The following SEMA4B variants were observed in gnomAD, a reference collection of about 807,000 sequenced individuals.
SEMA4B encodes semaphorin 4B, also known as semaphorin-4B.
In SEMA4B, 55 loss-of-function variants were observed where a neutral mutation model predicts 88.1. The ratio of observed to expected loss-of-function variants is 0.62; its 90% CI spans 0.50 to 0.78. The LOEUF (loss-of-function observed/expected upper bound fraction) is 0.78. Among genes scored for constraint, SEMA4B ranks in the 30% least tolerant of loss-of-function variants. SEMA4B has a pLI of 0.00. For synonymous variants in SEMA4B, 525 were observed against 473.6 expected, an observed-to-expected ratio of 1.11 and a Z score of -1.41; for missense variants, 1,062 against 1,111.9, an observed-to-expected ratio of 0.96 and a Z score of 0.64.
rs1596160546 is a variant in SEMA4B, at chr15:90,225,758, A to C, written c.1619A>C (p.Asp540Ala). The C allele has an allele frequency of 6.3e-7, 1 of 1,576,762 alleles. No homozygotes were observed. The highest frequency in any genetic ancestry group is 8.6e-7 in the Non-Finnish European group (1 of 1,163,052). The change falls in exon 12 of 14, where the codon GAC becomes GCC. Residue 540 changes from aspartate (D) to alanine (A), a missense_variant. Asp to Ala is a moderately radical substitution (Grantham distance 126). Transcript: ENST00000411539. The stretch of plus-strand genomic sequence containing the variant: ...TGTGGGGACTGCCTCCTCGCCCGGG[A>C]CCCCTACTGTGCTTGGAGCGGCTCC... ...RSCGDCLLAR[D>A]PYCAWSGSSC...
At chr15:90,199,683 G>C (rs1413717145), upstream of SEMA4B, among the ~76,000 whole-genome samples, 2 of 152,038 alleles carry the variant, frequency 1.3e-5, no homozygotes, top group African/African-American at 4.8e-5. Flanking sequence ...AAAATTAGCG[G>C]GGTGTGGTGG....
At chr15:90,219,714 G>A in intron 3 of SEMA4B, 79 bp from the exon 4 acceptor site, 1 of 1,098,320 alleles carries the variant, frequency 9.1e-7, no homozygotes, top group South Asian at 1.4e-5. Flanking sequence ...GGGCCTGGGT[G>A]TGGAAGGGGG....
chr15:90,201,281 G>A (rs1960701728), upstream of SEMA4B: 18 of 1,102,478 alleles, frequency 1.6e-5, 1 homozygote, highest in Non-Finnish European at 1.9e-5. Flanking sequence ...GAAGGGGGCG[G>A]GCCGGCCGGG....
At chr15:90,185,307 A>C (rs1960132224) in intron 1 of SEMA4B, among the ~76,000 whole-genome samples, 1 of 152,126 alleles carries the variant, frequency 6.6e-6, no homozygotes, top group Non-Finnish European at 1.5e-5. Context: ...TCCCATGGCC[A>C]CCGGGGGCCT....
At chr15:90,206,808 A>T (rs112168526) in intron 1 of SEMA4B, 10 of 736,962 alleles carry the variant, frequency 1.4e-5, no homozygotes, top group African/African-American at 5.2e-5. Context: ...ATTAAGGTTG[A>T]TGACAAAAGA....
intron 1 of SEMA4B, among the ~76,000 whole-genome samples, chr15:90,211,209 C>T (rs1469520532): frequency 2.0e-5 from 3 of 152,152 alleles, no homozygotes; most frequent in African/African-American, 7.2e-5. Context: ...CAGGCAGGCT[C>T]CTAAGGTGAC....
chr15:90,201,881 G>T lies in SEMA4B; in HGVS notation c.157+146G>T, dbSNP rs2151593683. ...TTAGGACCCCTTCTTTTTTCAAGGC[G>T]CTGCGCGGAGGGAGGGAGAGGAGAG... On this transcript the variant is annotated intron_variant, in intron 1 of 13. Coordinates refer to ENST00000411539, the MANE Select transcript of SEMA4B (RefSeq NM_198925.4). 6.4e-6 allele frequency: 5 copies of T among 783,712 alleles called. No homozygotes were observed. The South Asian group carries it at 9.6e-5, about 15-fold the overall frequency. The allele number at this position is 783,712 out of a possible 1,614,324, so 48.5% of individuals were successfully genotyped here.
At position 90,225,762 on chromosome 15, in the gene SEMA4B, C is replaced by G; in HGVS notation, c.1623C>G (p.Pro541=). The change falls in exon 12 of 14, where the codon CCC becomes CCG. Residue 541 remains proline (P), a synonymous_variant. Transcript: ENST00000411539. ...SCGDCLLARD[P]YCAWSGSSCK... ...GGGACTGCCTCCTCGCCCGGGACCC[C>G]TACTGTGCTTGGAGCGGCTCCAGCT... 2 of 1,576,858 alleles carry G rather than the reference C, an allele frequency of 1.3e-6. No individual in the cohort carries two copies. The highest frequency in any genetic ancestry group is 1.7e-6 in the Non-Finnish European group (2 of 1,162,758).
chr15:90,190,817 C>G (rs2151583297), intron 1 of SEMA4B, among the ~76,000 whole-genome samples: 1 of 152,166 alleles, frequency 6.6e-6, no homozygotes, highest in South Asian at 2.1e-4. Context: ...GTGTCTTGCT[C>G]TGTCACCCAA....
At chr15:90,203,445 G>A (rs1455560992) in intron 1 of SEMA4B, among the ~76,000 whole-genome samples, 1 of 152,200 alleles carries the variant, frequency 6.6e-6, no homozygotes, top group Non-Finnish European at 1.5e-5. Context: ...GCCAGCTCAT[G>A]GGACCATGTC....
chr15:90,191,894 C>T (rs1960354458), intron 1 of SEMA4B: 1 of 152,280 alleles, frequency 6.6e-6, no homozygotes, highest in Non-Finnish European at 1.5e-5. Context: ...TGAAAGAATA[C>T]ACAGGGTGTG....
Position 90,201,404 on chromosome 15 carries a change from G to C in SEMA4B, c.-175G>C, listed in dbSNP as rs1567045622. The stretch of plus-strand genomic sequence containing the variant: ...GGGAGGACTGCGGTGCCCCGCGGAG[G>C]GGCTGAGTTTGCCAGGGCCCACTTG... On this transcript the variant is annotated 5_prime_UTR_variant, in exon 1 of 14. Transcript: ENST00000411539. The C allele has an allele frequency of 1.6e-6, 2 of 1,282,032 alleles. No individual in the cohort carries two copies. Among genetic ancestry groups the C allele is most frequent in the Admixed American group, 8.6e-5 (2 of 23,388 alleles). 79.4% of individuals were successfully genotyped at this position (1,282,032 alleles called of 1,614,324 possible). A position where few individuals can be genotyped will look rare whatever the true frequency, so the allele number is the denominator to read the frequency against.
chr15:90,226,234 C>T (rs1962166193), intron 12 of SEMA4B, among the ~76,000 whole-genome samples: 1 of 152,080 alleles, frequency 6.6e-6, no homozygotes, highest in Non-Finnish European at 1.5e-5. Flanking sequence ...GCAAAACTAC[C>T]CCTCATCCCA....
intron 1 of SEMA4B, among the ~76,000 whole-genome samples, chr15:90,191,153 G>A (rs910348146): frequency 1.3e-5 from 2 of 152,184 alleles, no homozygotes; most frequent in Admixed American, 6.5e-5. Context: ...CCTGTGGGGC[G>A]GAGGGATCCC....
At position 90,201,393 on chromosome 15, in the gene SEMA4B, G is replaced by A. The variant is rs1422418313; in HGVS notation, c.-186G>A. The stretch of plus-strand genomic sequence containing the variant: ...CCGGCGCCGGCGGGAGGACTGCGGT[G>A]CCCCGCGGAGGGGCTGAGTTTGCCA... On this transcript the variant is annotated 5_prime_UTR_variant, in exon 1 of 14. Coordinates refer to ENST00000411539, the MANE Select transcript of SEMA4B (RefSeq NM_198925.4). The A allele has an allele frequency of 7.8e-7, 1 of 1,274,958 alleles. No individual in the cohort carries two copies. The highest frequency in any genetic ancestry group is 9.9e-7 in the Non-Finnish European group (1 of 1,012,244). 79.0% of individuals were successfully genotyped at this position (1,274,958 alleles called of 1,614,324 possible). A position where few individuals can be genotyped will look rare whatever the true frequency, so the allele number is the denominator to read the frequency against.
At chr15:90,193,441 C>T (rs143161463) in intron 1 of SEMA4B, 1,529 of 152,358 alleles carry the variant, frequency 0.01, 20 homozygotes, top group Non-Finnish European at 0.016. Context: ...CTGTGGAGTT[C>T]CTACTAGAGT....
In SEMA4B at chr15:90,223,593, G is replaced by T; in HGVS notation, c.896G>T (p.Arg299Leu). The T allele has an allele frequency of 1.2e-6, 2 of 1,610,552 alleles. No homozygotes were observed. Among genetic ancestry groups the T allele is most frequent in the Non-Finnish European group, 1.7e-6 (2 of 1,178,182 alleles). ...DEGGERVLQQ[R>L]WTSFLKAQLL... The stretch of plus-strand genomic sequence containing the variant: ...GGTGGAGAGCGGGTGCTACAGCAGC[G>T]CTGGACCTCCTTCCTCAAGGCCCAG... Residue 299 changes from arginine to leucine, a missense_variant, in exon 8 of 14, where the codon CGC becomes CTC. Arg to Leu is a moderately radical substitution (Grantham distance 102). Coordinates refer to ENST00000411539, the MANE Select transcript of SEMA4B (RefSeq NM_198925.4).
At chr15:90,196,767 G>A (rs564805536), upstream of SEMA4B, among the ~76,000 whole-genome samples, 7 of 152,316 alleles carry the variant, frequency 4.6e-5, no homozygotes, top group African/African-American at 1.7e-4. Context: ...GATTACAGGC[G>A]TGAGCCACTG....
In SEMA4B at chr15:90,228,887, G is replaced by A; in HGVS notation, c.*244G>A. On this transcript the variant is annotated 3_prime_UTR_variant, in exon 14 of 14. Transcript: ENST00000411539. ...ATATGGGGGCCTGCCTAGGTTGGTG[G>A]AACAGTGCTCCTTATGTAAACTGAG... 1.0e-5 allele frequency: 6 copies of A among 589,092 alleles called. No individual in the cohort carries two copies. The highest frequency in any genetic ancestry group is 8.1e-5 in the South Asian group (4 of 49,194). 36.5% of individuals were successfully genotyped at this position (589,092 alleles called of 1,614,324 possible). A position where few individuals can be genotyped will look rare whatever the true frequency, so the allele number is the denominator to read the frequency against.
Sources: allele counts gnomAD v4.1 joint callset (sites outside exome capture counted in the v4.1 genomes callset), GRCh38; gene constraint gnomAD v4.1.1; transcripts MANE v1.5; gene names NCBI Gene and HGNC (gene_info 2026-07-23, HGNC 2026-07-21).